The following CCSER1 variants were observed in gnomAD, a reference collection of about 807,000 sequenced individuals.
CCSER1 encodes coiled-coil serine rich protein 1, also known as serine-rich coiled-coil domain-containing protein 1.
CCSER1 carries 41 observed loss-of-function variants against 82.0 expected under a neutral mutation model. That is an observed-to-expected ratio of 0.50 (90% confidence interval 0.39 to 0.65). The LOEUF is 0.65. Ranked by LOEUF, CCSER1 falls within the 30% of genes least tolerant of loss-of-function variation. CCSER1 has a pLI of 0.00. For missense variants in CCSER1, 1,119 were observed against 1,064.2 expected, an observed-to-expected ratio of 1.05 and a Z score of -0.72; for synonymous variants, 414 against 383.9, an observed-to-expected ratio of 1.08 and a Z score of -0.92.
At chr4:90,914,019 A>G (rs1186256932) in intron 8 of CCSER1, among the ~76,000 whole-genome samples, 2 of 152,260 alleles carry the variant, frequency 1.3e-5, no homozygotes, top group Admixed American at 1.3e-4. Context: ...CTACAAAGAG[A>G]CTTAGACTCC....
chr4:90,840,413 C>G (rs1762439083), intron 8 of CCSER1, among the ~76,000 whole-genome samples: 1 of 152,102 alleles, frequency 6.6e-6, no homozygotes, highest in Admixed American at 6.5e-5. Context: ...TTATGAAGTG[C>G]TGTGTGCTCA....
intron 10 of CCSER1, among the ~76,000 whole-genome samples, chr4:91,153,306 T>C (rs1000923173): frequency 6.6e-6 from 1 of 151,960 alleles, no homozygotes; most frequent in African/African-American, 2.4e-5. Flanking sequence ...TCGAATCGGC[T>C]CTTGAAGCTT....
chr4:90,448,947 A>T (rs962781351), intron 4 of CCSER1, among the ~76,000 whole-genome samples: 2 of 152,096 alleles, frequency 1.3e-5, no homozygotes, highest in Non-Finnish European at 2.9e-5. Flanking sequence ...AGACAACTGG[A>T]GGGTGGACAA....
intron 9 of CCSER1, among the ~76,000 whole-genome samples, chr4:91,075,160 A>G (rs563743155): frequency 7.0e-6 from 1 of 143,340 alleles, no homozygotes; most frequent in East Asian, 2.0e-4. Context: ...ATGCAAGACA[A>G]ATTTGGTAGG....
intron 10 of CCSER1, among the ~76,000 whole-genome samples, chr4:91,190,439 T>C (rs1734903303): frequency 6.6e-6 from 1 of 152,174 alleles, no homozygotes; most frequent in South Asian, 2.1e-4. Context: ...CCTCTATCCT[T>C]TCTATACTGT....
At chr4:91,509,834 T>C (rs1759725599) in intron 10 of CCSER1, among the ~76,000 whole-genome samples, 1 of 152,118 alleles carries the variant, frequency 6.6e-6, no homozygotes, top group Admixed American at 6.6e-5. Flanking sequence ...GATGAAGATA[T>C]ATAGATTTTT....
At chr4:91,315,493 T>C (rs906451746) in intron 10 of CCSER1, among the ~76,000 whole-genome samples, 1 of 151,996 alleles carries the variant, frequency 6.6e-6, no homozygotes, top group African/African-American at 2.4e-5. Flanking sequence ...GAAAAATCAC[T>C]GATATCATAG....
intron 4 of CCSER1, among the ~76,000 whole-genome samples, chr4:90,463,248 T>G (rs538398284): frequency 6.6e-5 from 10 of 152,320 alleles, no homozygotes; most frequent in Admixed American, 2.6e-4. Context: ...AGGGATATTA[T>G]TGAGTATAAA....
chr4:90,910,001 C>T (rs751287148), intron 8 of CCSER1, among the ~76,000 whole-genome samples: 7 of 152,168 alleles, frequency 4.6e-5, no homozygotes, highest in Non-Finnish European at 8.8e-5. Flanking sequence ...CACAGTACCA[C>T]AGGCCCTAAC....
At chr4:90,584,584 G>A (rs1781780334) in intron 5 of CCSER1, among the ~76,000 whole-genome samples, 1 of 152,116 alleles carries the variant, frequency 6.6e-6, no homozygotes, top group South Asian at 2.1e-4. Context: ...TAAAAATTTG[G>A]GTATTGTTTT....
intron 5 of CCSER1, among the ~76,000 whole-genome samples, chr4:90,543,325 T>G (rs1776332934): frequency 6.6e-6 from 1 of 152,116 alleles, no homozygotes; most frequent in Non-Finnish European, 1.5e-5. Flanking sequence ...AGGTGCAATT[T>G]GAGAATGAAT....
chr4:91,210,945 G>A (rs544151656), intron 10 of CCSER1, among the ~76,000 whole-genome samples: 4 of 152,030 alleles, frequency 2.6e-5, no homozygotes, highest in African/African-American at 9.6e-5. Flanking sequence ...CGGGCATCAG[G>A]TTGACAACTT....
At chr4:91,235,215 A>G (rs73836888) in intron 10 of CCSER1, among the ~76,000 whole-genome samples, 3,956 of 152,144 alleles carry the variant, frequency 0.026, 175 homozygotes, top group African/African-American at 0.09. Flanking sequence ...GTTTCCCCCT[A>G]TTGGAAGAGA....
At chr4:91,381,716 A>G (rs1279662074) in intron 10 of CCSER1, among the ~76,000 whole-genome samples, 1 of 151,964 alleles carries the variant, frequency 6.6e-6, no homozygotes, top group Non-Finnish European at 1.5e-5. Flanking sequence ...GAGAAGTTTG[A>G]TTGTCTGAAG....
chr4:90,838,993 C>T, intron 8 of CCSER1: 1 of 1,612,926 alleles, frequency 6.2e-7, no homozygotes, highest in East Asian at 2.2e-5. Context: ...TCAGTTTCGG[C>T]TTATCGAATT....
chr4:90,313,179 T>C, intron 3 of CCSER1, 132 bp downstream of exon 3: 1 of 780,122 alleles, frequency 1.3e-6, no homozygotes, highest in Non-Finnish European at 2.0e-6. Context: ...GTTTCCATAG[T>C]TGACATTACA....
intron 10 of CCSER1, among the ~76,000 whole-genome samples, chr4:91,470,944 A>G (rs958181900): frequency 1.3e-5 from 2 of 152,212 alleles, no homozygotes; most frequent in Non-Finnish European, 2.9e-5. Context: ...TCATTCCTGC[A>G]TATTCTAATG....
intron 10 of CCSER1, among the ~76,000 whole-genome samples, chr4:91,425,035 T>C (rs564335424): frequency 6.6e-6 from 1 of 152,252 alleles, no homozygotes; most frequent in East Asian, 1.9e-4. Flanking sequence ...TTTATAAAAC[T>C]ATCCTATGAA....
chr4:90,309,379 T>G lies in CCSER1; in HGVS notation c.1095T>G (p.Ser365Arg). 6.2e-7 allele frequency: 1 copy of G among 1,613,682 alleles called. No individual in the cohort carries two copies. Among genetic ancestry groups the G allele is most frequent in the Non-Finnish European group, 8.5e-7 (1 of 1,179,786 alleles). ...CTACAAGTGTGAGCCACTCAGAGAG[T>G]AACCTACCAGCAGATAGTGAAAGAG... is the stretch of plus-strand genomic sequence containing the variant. ...LPATSVSHSE[S>R]NLPADSEREE... Residue 365 changes from serine (S) to arginine (R), a missense_variant, in exon 2 of 11, where the codon AGT becomes AGG. Ser to Arg is a moderately radical substitution (Grantham distance 110, BLOSUM62 -1). Transcript: ENST00000509176.
Sources: gnomAD v4.1 joint callset for allele counts (sites outside exome capture counted in the v4.1 genomes callset) on GRCh38, gnomAD v4.1.1 for gene constraint, MANE v1.5 for transcripts, NCBI Gene and HGNC (gene_info 2026-07-23, HGNC 2026-07-21) for gene names.